LRRFIP2: variants seen among roughly 807,000 people sequenced by gnomAD.
LRRFIP2 encodes leucine-rich repeat flightless-interacting protein 2.
LRRFIP2 carries 109 observed loss-of-function variants against 125.9 expected under a neutral mutation model. The ratio of observed to expected loss-of-function variants is 0.87; its 90% confidence interval spans 0.74 to 1.01. LRRFIP2 has a LOEUF of 1.01. Among genes scored for constraint, LRRFIP2 ranks in the 50% least tolerant of loss-of-function variants. The pLI is 0.00. For missense variants in LRRFIP2, 850 were observed against 862.3 expected (o/e 0.99, Z 0.18); for synonymous variants, 291 against 293.1 (o/e 0.99, Z 0.07).
chr3:37,086,838 A>AATAC (rs1027643159), intron 18 of LRRFIP2, among the ~76,000 whole-genome samples: 3 of 152,114 alleles, frequency 2.0e-5, no homozygotes, highest in Non-Finnish European at 4.4e-5. Context: ...TCTAAATAAA[A>AATAC]ATACATACAT....
chr3:37,109,263 A>G (rs1440055769), intron 11 of LRRFIP2, among the ~76,000 whole-genome samples: 1 of 152,238 alleles, frequency 6.6e-6, no homozygotes, highest in East Asian at 1.9e-4. Context: ...TGAGTGTGGT[A>G]GGACTCAAGC....
At chr3:37,149,065 T>A in intron 1 of LRRFIP2, 27 bp from the exon 2 acceptor site, 1 of 1,557,186 alleles carries the variant, frequency 6.4e-7, no homozygotes, top group Non-Finnish European at 8.7e-7. Flanking sequence ...CATAATAACT[T>A]AAGGTATTTC....
intron 16 of LRRFIP2, 65 bp downstream of exon 16, chr3:37,096,551 G>T: frequency 1.0e-6 from 1 of 982,564 alleles, no homozygotes; most frequent in South Asian, 1.4e-5. Context: ...AATAAATAAT[G>T]AACAAGTTAC....
At chr3:37,164,852 T>C (rs1371672809) in intron 1 of LRRFIP2, among the ~76,000 whole-genome samples, 3 of 152,206 alleles carry the variant, frequency 2.0e-5, no homozygotes, top group Non-Finnish European at 4.4e-5. Context: ...CCCCCATGAA[T>C]GTAGGTGGGT....
intron 2 of LRRFIP2, among the ~76,000 whole-genome samples, chr3:37,139,000 A>C (rs1185503164): frequency 1.3e-5 from 2 of 152,242 alleles, no homozygotes; most frequent in Non-Finnish European, 2.9e-5. Context: ...ATACCATGAC[A>C]GTCAACCTGA....
chr3:37,074,167 T>C (rs1558527), intron 20 of LRRFIP2, among the ~76,000 whole-genome samples: 49,102 of 152,016 alleles, frequency 0.32, 9,836 homozygotes, highest in Non-Finnish European at 0.45. Flanking sequence ...TATTAAGAGG[T>C]AGGTCCGAGG....
intron 18 of LRRFIP2, 51 bp from the exon 19 acceptor site, chr3:37,083,857 C>A (rs2092831456): frequency 1.2e-5 from 16 of 1,360,006 alleles, no homozygotes; most frequent in Non-Finnish European, 1.6e-5. Flanking sequence ...TAATTGAATA[C>A]ATGCAATATA....
At chr3:37,126,547 T>C (rs748592176) in intron 4 of LRRFIP2, among the ~76,000 whole-genome samples, 1 of 151,644 alleles carries the variant, frequency 6.6e-6, no homozygotes, top group Non-Finnish European at 1.5e-5. Context: ...CTATACAAAT[T>C]TCACAGAGGT....
At chr3:37,122,639 C>T (rs1393839672) in intron 4 of LRRFIP2, among the ~76,000 whole-genome samples, 1 of 151,994 alleles carries the variant, frequency 6.6e-6, no homozygotes, top group Non-Finnish European at 1.5e-5. Context: ...TAAGAACTAA[C>T]TGAAACAGAG....
At chr3:37,122,364 T>C (rs955936374) in intron 4 of LRRFIP2, among the ~76,000 whole-genome samples, 2 of 152,122 alleles carry the variant, frequency 1.3e-5, no homozygotes, top group African/African-American at 4.8e-5. Context: ...ATCAGGCGTA[T>C]GTATGTCAGA....
At chr3:37,117,111 C>A (rs1169022790) in intron 6 of LRRFIP2, among the ~76,000 whole-genome samples, 2 of 149,586 alleles carry the variant, frequency 1.3e-5, no homozygotes, top group Non-Finnish European at 3.0e-5. Flanking sequence ...TAAAAAAAAT[C>A]TAACCCTTTT....
chr3:37,074,601 C>T lies in LRRFIP2; in HGVS notation c.1371+423G>A, dbSNP rs1173883031. 2.6e-5 allele frequency among the ~76,000 whole-genome samples: 4 copies of T among 152,158 alleles called. No homozygotes were observed. The East Asian group carries it at 5.8e-4, about 22-fold the overall frequency. On this transcript the variant is annotated intron_variant, in intron 20 of 27. Coordinates refer to ENST00000336686, the MANE Select transcript of LRRFIP2 (RefSeq NM_006309.4). ...ACTAACCATTCTTTACCTTTTTGTACAGAACGTATCTTGATGTTTCTTCTT... is the reference window on the plus strand; with the variant it reads ...ACTAACCATTCTTTACCTTTTTGTATAGAACGTATCTTGATGTTTCTTCTT...
chr3:37,065,304 A>G (rs542450483), intron 23 of LRRFIP2: 4 of 251,738 alleles, frequency 1.6e-5, no homozygotes, highest in African/African-American at 8.8e-5. Flanking sequence ...TTAGACTTTA[A>G]GAGTCTGGGA....
At chr3:37,070,280 A>G (rs571729935) in intron 21 of LRRFIP2, among the ~76,000 whole-genome samples, 5 of 151,828 alleles carry the variant, frequency 3.3e-5, no homozygotes, top group Non-Finnish European at 7.4e-5. Context: ...TGCCTGGCTA[A>G]TTTTTGTATT....
intron 2 of LRRFIP2, among the ~76,000 whole-genome samples, chr3:37,138,837 A>AT: frequency 6.6e-6 from 1 of 152,288 alleles, no homozygotes; most frequent in South Asian, 2.1e-4. Flanking sequence ...TCAGCACACA[A>AT]TTTTTTTCCT....
Position 37,058,836 on chromosome 3 carries a change from C to T in LRRFIP2, c.1824G>A (p.Leu608=). 1 of 1,614,144 alleles carries T rather than the reference C, an allele frequency of 6.2e-7. No individual in the cohort carries two copies. Among genetic ancestry groups the T allele is most frequent in the Non-Finnish European group, 8.5e-7 (1 of 1,180,010 alleles). The change falls in exon 25 of 28, where the codon CTG becomes CTA. Residue 608 remains leucine, a synonymous_variant. Coordinates refer to ENST00000336686, the MANE Select transcript of LRRFIP2 (RefSeq NM_006309.4). ...AGTCTGAGCCATTCTGCAGTCCTGC[C>T]AGGTCACCCACTGTGCCATCATTCC... ...CSRNDGTVGD[L]AGLQNGSDLQ...
intron 19 of LRRFIP2, among the ~76,000 whole-genome samples, chr3:37,083,373 T>G (rs181458304): frequency 2.0e-5 from 3 of 152,132 alleles, no homozygotes; most frequent in African/African-American, 4.8e-5. Flanking sequence ...AATTAAGAGA[T>G]AGAAAATGAA....
intron 1 of LRRFIP2, among the ~76,000 whole-genome samples, chr3:37,163,742 A>C (rs766583005): frequency 2.0e-5 from 3 of 152,220 alleles, no homozygotes; most frequent in Non-Finnish European, 2.9e-5. Context: ...AAAATTAAAA[A>C]TTTTGGCCAA....
intron 15 of LRRFIP2, among the ~76,000 whole-genome samples, chr3:37,097,672 T>C (rs1303500345): frequency 6.6e-6 from 1 of 152,150 alleles, no homozygotes; most frequent in Admixed American, 6.5e-5. Flanking sequence ...CTTCTGTAGA[T>C]AGGCCTTAAG....
Sources: gnomAD v4.1 joint callset for allele counts (sites outside exome capture counted in the v4.1 genomes callset) on GRCh38, gnomAD v4.1.1 for gene constraint, MANE v1.5 for transcripts, NCBI Gene and HGNC (gene_info 2026-07-23, HGNC 2026-07-21) for gene names.